The following TUSC3 variants were observed in gnomAD, a reference collection of about 807,000 sequenced individuals.
TUSC3 encodes the protein dolichyl-diphosphooligosaccharide--protein glycosyltransferase subunit TUSC3.
A neutral mutation model predicts 44.8 loss-of-function variants in TUSC3; 45 were observed. The ratio of observed to expected loss-of-function variants is 1.00; its 90% confidence interval spans 0.79 to 1.29. TUSC3 has a LOEUF of 1.29. Ranked by LOEUF, TUSC3 falls within the 50% of genes most tolerant of loss-of-function variation. The pLI is 0.00. For synonymous variants in TUSC3, 212 were observed against 152.9 expected (o/e 1.39, Z -2.85); for missense variants, 519 against 437.9 (o/e 1.19, Z -1.65).
intron 6 of TUSC3, among the ~76,000 whole-genome samples, chr8:15,690,365 T>C (rs192283453): frequency 6.6e-6 from 1 of 152,064 alleles, no homozygotes; most frequent in East Asian, 1.9e-4. Flanking sequence ...TTTTTTTTTT[T>C]GCTTATTTAA....
chr8:15,825,448 C>G, the TUSC3 span, among the ~76,000 whole-genome samples: 89 of 152,164 alleles, frequency 5.8e-4, no homozygotes, highest in Non-Finnish European at 6.6e-4. Flanking sequence ...GTCACAAGAA[C>G]AGCATTGTGG....
intron 6 of TUSC3, among the ~76,000 whole-genome samples, chr8:15,702,645 G>A (rs993219072): frequency 4.0e-5 from 6 of 151,862 alleles, no homozygotes; most frequent in East Asian, 3.9e-4. Flanking sequence ...CCAGTTTGTC[G>A]GTGTCACCAT....
chr8:15,799,140 C>A, the TUSC3 span, among the ~76,000 whole-genome samples: 4 of 152,118 alleles, frequency 2.6e-5, no homozygotes, highest in Non-Finnish European at 5.9e-5. Context: ...AAAAACCAAC[C>A]ACTCTAAGTC....
At chr8:15,643,553 A>C (rs2129172642) in intron 2 of TUSC3, among the ~76,000 whole-genome samples, 1 of 152,288 alleles carries the variant, frequency 6.6e-6, no homozygotes, top group East Asian at 1.9e-4. Context: ...ATATGTTAGA[A>C]TTGTTTTCCA....
intron 1 of TUSC3, among the ~76,000 whole-genome samples, chr8:15,478,997 C>T (rs1563261763): frequency 6.6e-6 from 1 of 152,110 alleles, no homozygotes; most frequent in Non-Finnish European, 1.5e-5. Flanking sequence ...GATGCTATCT[C>T]ATTTTGGTTT....
chr8:15,593,657 A>T (rs926716104), intron 1 of TUSC3, among the ~76,000 whole-genome samples: 1 of 152,074 alleles, frequency 6.6e-6, no homozygotes, highest in African/African-American at 2.4e-5. Flanking sequence ...TTTCCCTCAT[A>T]AGTCTGTTAT....
At chr8:15,457,887 T>C (rs528934111) in intron 1 of TUSC3, among the ~76,000 whole-genome samples, 5 of 149,192 alleles carry the variant, frequency 3.4e-5, no homozygotes, top group African/African-American at 1.2e-4. Flanking sequence ...TAATTACTAA[T>C]TAATTAATTA....
At chr8:15,723,272 G>A (rs972437501) in intron 6 of TUSC3, among the ~76,000 whole-genome samples, 3 of 152,138 alleles carry the variant, frequency 2.0e-5, no homozygotes, top group African/African-American at 4.8e-5. Context: ...ACGATGTCCT[G>A]CAACTTCCAG....
At chr8:15,771,725 C>T in the TUSC3 span, among the ~76,000 whole-genome samples, 1 of 152,026 alleles carries the variant, frequency 6.6e-6, no homozygotes, top group Non-Finnish European at 1.5e-5. Context: ...ATTCTACATA[C>T]CAACATTTAT....
intron 2 of TUSC3, among the ~76,000 whole-genome samples, chr8:15,633,013 C>G (rs1805886104): frequency 6.6e-6 from 1 of 152,150 alleles, no homozygotes; most frequent in Non-Finnish European, 1.5e-5. Flanking sequence ...AAAAACTTAG[C>G]TAGGTGTACG....
intron 2 of TUSC3, among the ~76,000 whole-genome samples, chr8:15,626,000 G>A (rs1012930326): frequency 6.6e-6 from 1 of 152,222 alleles, no homozygotes; most frequent in Non-Finnish European, 1.5e-5. Context: ...CGGGCCATCC[G>A]AAGAGGCCAC....
At chr8:15,594,173 CT>C (rs1271880097) in intron 1 of TUSC3, among the ~76,000 whole-genome samples, 3 of 152,020 alleles carry the variant, frequency 2.0e-5, no homozygotes, top group South Asian at 2.1e-4. Context: ...ATTTTAGATT[CT>C]TTTTTTGGAA....
intron 6 of TUSC3, among the ~76,000 whole-genome samples, chr8:15,702,090 G>T (rs1036488582): frequency 1.3e-5 from 2 of 152,132 alleles, no homozygotes; most frequent in Non-Finnish European, 2.9e-5. Context: ...TAAGAGACCA[G>T]TCACGGCTGT....
intron 1 of TUSC3, among the ~76,000 whole-genome samples, chr8:15,430,990 G>A (rs1365094150): frequency 2.0e-5 from 3 of 151,692 alleles, no homozygotes; most frequent in African/African-American, 7.3e-5. Context: ...AAGGTGAAGT[G>A]ATACATGTCT....
At chr8:15,745,272 G>T (rs1260105316) in intron 8 of TUSC3, among the ~76,000 whole-genome samples, 1 of 152,054 alleles carries the variant, frequency 6.6e-6, no homozygotes, top group African/African-American at 2.4e-5. Flanking sequence ...GTAAACATAA[G>T]AGTGCATGGG....
chr8:15,649,684 C>G (rs1270025156), intron 2 of TUSC3, among the ~76,000 whole-genome samples: 4 of 150,854 alleles, frequency 2.7e-5, no homozygotes, highest in Non-Finnish European at 5.9e-5. Flanking sequence ...TAATGTTTTT[C>G]TAGCTTCTTA....
At chr8:15,464,867 T>A (rs963536565) in intron 1 of TUSC3, among the ~76,000 whole-genome samples, 17 of 152,222 alleles carry the variant, frequency 1.1e-4, no homozygotes, top group African/African-American at 4.1e-4. Flanking sequence ...TTTTTTTGTT[T>A]GAGATGGAGT....
At chr8:15,665,042 A>G (rs1170390135) in intron 5 of TUSC3, among the ~76,000 whole-genome samples, 1 of 151,564 alleles carries the variant, frequency 6.6e-6, no homozygotes, top group Non-Finnish European at 1.5e-5. Flanking sequence ...ATGCTGACCT[A>G]TTCATTCAGA....
rs1117881 is a variant in TUSC3, at chr8:15,571,933, G to A, written c.138+31365G>A. Among the ~76,000 whole-genome samples, 196 of 152,090 alleles carry A rather than the reference G, an allele frequency of 1.3e-3. 3 individuals are homozygous for A. In the East Asian group the frequency reaches 0.035, roughly 27 times the overall value. ...TTCAGTAAACTGTGCTTTAAACATAGGTGCTGTTTTTCATCCAGGCTTTCT... is the reference window on the plus strand; with the variant it reads ...TTCAGTAAACTGTGCTTTAAACATAAGTGCTGTTTTTCATCCAGGCTTTCT... On this transcript the variant is annotated intron_variant, in intron 1 of 10. Coordinates refer to ENST00000503731, the MANE Select transcript of TUSC3 (RefSeq NM_006765.4).
Sources: allele counts gnomAD v4.1 joint callset (sites outside exome capture counted in the v4.1 genomes callset), GRCh38; gene constraint gnomAD v4.1.1; transcripts MANE v1.5; gene names NCBI Gene and HGNC (gene_info 2026-07-23, HGNC 2026-07-21).